Variants in SEMA3D observed in about 807,000 individuals in gnomAD.
SEMA3D encodes semaphorin-3D.
Under a neutral mutation model 100.1 loss-of-function variants are expected in SEMA3D, and 84 were observed. That is an observed-to-expected ratio of 0.84 (90% CI 0.70 to 1.01). SEMA3D has a LOEUF of 1.01. Among genes scored for constraint, SEMA3D ranks in the 50% least tolerant of loss-of-function variants. The pLI is 0.00. For missense variants in SEMA3D, 875 were observed against 934.1 expected (o/e 0.94, Z 0.82); for synonymous variants, 312 against 320.7 (o/e 0.97, Z 0.29).
Position 85,065,362 on chromosome 7 carries a change from A to T in SEMA3D, c.718+62T>A, listed in dbSNP as rs540967082. The T allele has an allele frequency of 6.3e-6, 9 of 1,436,838 alleles. No individual in the cohort carries two copies. In the African/African-American group the frequency reaches 7.1e-5, roughly 11 times the overall value. 89.0% of individuals were successfully genotyped at this position (1,436,838 alleles called of 1,614,324 possible). On this transcript the variant is annotated intron_variant, in intron 8 of 18. Coordinates refer to ENST00000284136, the MANE Select transcript of SEMA3D (RefSeq NM_001384900.1). ...AACACATTTGAATGAATAATAATACACTTCTTATCTATCTTAAACCAAAGC... is the reference window on the plus strand; with the variant it reads ...AACACATTTGAATGAATAATAATACTCTTCTTATCTATCTTAAACCAAAGC...
chr7:85,097,830 A>C lies in SEMA3D; in HGVS notation c.287T>G (p.Val96Gly), dbSNP rs772807504. The C allele has an allele frequency of 6.2e-7, 1 of 1,605,016 alleles. No homozygotes were observed. The highest frequency in any genetic ancestry group is 1.3e-5 in the African/African-American group (1 of 74,606). Residue 96 changes from valine to glycine, a missense_variant, in exon 4 of 19, where the codon GTT becomes GGT. Val to Gly is a moderately radical substitution (Grantham distance 109). Coordinates refer to ENST00000284136, the MANE Select transcript of SEMA3D (RefSeq NM_001384900.1). The part of the protein sequence containing the change: ...AKDHIFLLSL[V>G]DLNKNFKKIY... ...CTTCTTAAAATTTTTGTTTAAGTCA[A>C]CCAGACTGAGTAGAAAGATGTGGTC...
chr7:85,133,312 T>C (rs1789778454), intron 2 of SEMA3D, among the ~76,000 whole-genome samples: 2 of 151,998 alleles, frequency 1.3e-5, no homozygotes, highest in South Asian at 2.1e-4. Context: ...TGGACTTACA[T>C]GAATATTAAA....
chr7:85,107,857 G>T (rs145331049), intron 3 of SEMA3D, among the ~76,000 whole-genome samples: 76 of 151,840 alleles, frequency 5.0e-4, no homozygotes, highest in African/African-American at 1.8e-3. Flanking sequence ...CCTACTGCCC[G>T]CCATATTACT....
intron 2 of SEMA3D, chr7:85,140,922 C>CA (rs1790031081): frequency 1.6e-6 from 1 of 609,590 alleles, no homozygotes; most frequent in African/African-American, 2.0e-5. Flanking sequence ...TAGAGATGAT[C>CA]ACTGTTAAAA....
intron 3 of SEMA3D, among the ~76,000 whole-genome samples, chr7:85,106,132 C>A (rs1392641731): frequency 6.6e-6 from 1 of 151,900 alleles, no homozygotes; most frequent in East Asian, 1.9e-4. Context: ...AGTACATTTC[C>A]AGAAAAGCAA....
chr7:85,069,680 G>C (rs1343331884), intron 6 of SEMA3D, among the ~76,000 whole-genome samples: 1 of 152,144 alleles, frequency 6.6e-6, no homozygotes, highest in Non-Finnish European at 1.5e-5. Flanking sequence ...GGGCAGAGAA[G>C]TAAAGATGAT....
chr7:85,094,234 A>G (rs1157740452), intron 4 of SEMA3D, among the ~76,000 whole-genome samples: 3 of 151,986 alleles, frequency 2.0e-5, no homozygotes, highest in African/African-American at 7.2e-5. Flanking sequence ...GAAGAGCCTT[A>G]GAAGTCAATA....
In SEMA3D at chr7:85,118,356, C is replaced by CTGCA. The variant is rs796123019; in HGVS notation, c.151+3381_151+3384dup. On this transcript the variant is annotated intron_variant, in intron 3 of 18. Coordinates refer to ENST00000284136, the MANE Select transcript of SEMA3D (RefSeq NM_001384900.1). ...ATCACTTCAATTTGCCTTCCATTAA[C>CTGCA]TGCATGTTTTCCTTGTTATTAAATT... is the stretch of plus-strand genomic sequence containing the variant. Among the ~76,000 whole-genome samples the CTGCA allele has an allele frequency of 1.1e-4, 16 of 152,110 alleles. No homozygotes were observed. In the South Asian group the frequency reaches 2.3e-3, roughly 22 times the overall value.
chr7:85,041,513 T>C (rs1790864138), intron 10 of SEMA3D: 1 of 152,214 alleles, frequency 6.6e-6, no homozygotes, highest in Admixed American at 6.6e-5. Flanking sequence ...ACTCAATGTA[T>C]ACTTTAAGTT....
intron 11 of SEMA3D, among the ~76,000 whole-genome samples, chr7:85,039,225 G>T (rs1790786146): frequency 6.6e-6 from 1 of 152,080 alleles, no homozygotes; most frequent in South Asian, 2.1e-4. Context: ...AGTCTGTGGG[G>T]CCCCCATATT....
intron 17 of SEMA3D, among the ~76,000 whole-genome samples, chr7:85,012,383 CT>C (rs1182561269): frequency 6.6e-6 from 1 of 151,492 alleles, no homozygotes; most frequent in Non-Finnish European, 1.5e-5. Context: ...TACCTAAAAA[CT>C]TTTTTCTAAT....
At chr7:85,236,263 GTATTT>G in the SEMA3D span, among the ~76,000 whole-genome samples, 94 of 142,226 alleles carry the variant, frequency 6.6e-4, 1 homozygote, top group Middle Eastern at 3.6e-3. Flanking sequence ...AGATGATTTA[GTATTT>G]TATTTTATTT....
At chr7:85,206,967 C>T in the SEMA3D span, among the ~76,000 whole-genome samples, 26 of 152,070 alleles carry the variant, frequency 1.7e-4, no homozygotes, top group African/African-American at 6.0e-4. Context: ...TCCTCATTAA[C>T]AGATTTAATA....
intron 4 of SEMA3D, among the ~76,000 whole-genome samples, chr7:85,093,110 G>T (rs1788446178): frequency 6.6e-6 from 1 of 151,738 alleles, no homozygotes; most frequent in Non-Finnish European, 1.5e-5. Flanking sequence ...GTTTCCCTTG[G>T]GTTACCTTTG....
intron 17 of SEMA3D, 74 bp downstream of exon 17, chr7:85,012,708 C>A: frequency 1.8e-6 from 2 of 1,118,540 alleles, no homozygotes; most frequent in South Asian, 2.5e-5. Flanking sequence ...TGGTTTAAGT[C>A]ATATAATAAA....
At chr7:85,025,833 G>A (rs1383263372) in intron 12 of SEMA3D, among the ~76,000 whole-genome samples, 2 of 152,024 alleles carry the variant, frequency 1.3e-5, no homozygotes, top group Non-Finnish European at 2.9e-5. Context: ...CAGAGACAAA[G>A]AGGCCGGGGC....
At chr7:85,197,440 A>C in the SEMA3D span, among the ~76,000 whole-genome samples, 2 of 152,116 alleles carry the variant, frequency 1.3e-5, no homozygotes, top group Non-Finnish European at 2.9e-5. Context: ...ATTTACCTGT[A>C]TTACCTATAG....
At chr7:85,182,776 C>A (rs1333031955) in intron 1 of SEMA3D, among the ~76,000 whole-genome samples, 1 of 152,154 alleles carries the variant, frequency 6.6e-6, no homozygotes, top group Non-Finnish European at 1.5e-5. Flanking sequence ...ACTTATTCCA[C>A]AAATGTGAAT....
intron 9 of SEMA3D, among the ~76,000 whole-genome samples, chr7:85,045,891 A>C (rs1790994867): frequency 6.6e-6 from 1 of 151,900 alleles, no homozygotes; most frequent in African/African-American, 2.4e-5. Flanking sequence ...TCTAGTTGTG[A>C]TAAGAAGAGC....
Sources: allele counts gnomAD v4.1 joint callset (sites outside exome capture counted in the v4.1 genomes callset), GRCh38; gene constraint gnomAD v4.1.1; transcripts MANE v1.5; gene names NCBI Gene and HGNC (gene_info 2026-07-23, HGNC 2026-07-21).